Variants in BRWD1 observed in about 807,000 individuals in gnomAD.
BRWD1 encodes bromodomain and WD repeat-containing protein 1.
BRWD1 carries 82 observed loss-of-function variants against 251.2 expected under a neutral mutation model. That is an observed-to-expected ratio of 0.33 (90% CI 0.27 to 0.39). The LOEUF (loss-of-function observed/expected upper bound fraction) is 0.39. Ranked by LOEUF, BRWD1 falls within the 10% of genes least tolerant of loss-of-function variation. The pLI, the probability that BRWD1 is intolerant of heterozygous loss-of-function variation, is 1.00. For synonymous variants in BRWD1, 918 were observed against 902.8 expected (o/e 1.02, Z -0.30); for missense variants, 2,233 against 2,711.6 (o/e 0.82, Z 3.92).
In BRWD1 at chr21:39,187,929, G is replaced by T. The variant is rs1262691537; in HGVS notation, c.*8330C>A. On this transcript the variant is annotated 3_prime_UTR_variant, in exon 41 of 41. Transcript: ENST00000342449. Reference sequence around the variant, plus strand: ...GCTTCCTTTAAGGAAGCTTTTAGACGAGAGGTGAAAATTGTGAAGGGATTT... The same window carrying T: ...GCTTCCTTTAAGGAAGCTTTTAGACTAGAGGTGAAAATTGTGAAGGGATTT... The T allele has an allele frequency of 5.1e-6, 5 of 981,814 alleles. No individual in the cohort carries two copies. Among genetic ancestry groups the T allele is most frequent in the Non-Finnish European group, 6.0e-6 (5 of 826,702 alleles). The allele number at this position is 981,814 out of a possible 1,614,324, so 60.8% of individuals were successfully genotyped here.
intron 36 of BRWD1, among the ~76,000 whole-genome samples, chr21:39,207,408 AAC>A (rs1413763136): frequency 6.6e-6 from 1 of 150,824 alleles, no homozygotes; most frequent in Admixed American, 6.6e-5. Flanking sequence ...CAGCCTGGGC[AAC>A]AGAGTGAGAC....
rs2031979989 is a variant in BRWD1, at chr21:39,199,182, G to A, written c.5234C>T (p.Pro1745Leu). ...ANGYKSHTPA[P>L]SKTKFLKIES... is the part of the protein sequence containing the mutation. ...TATTTTAAGAAATTTTGTCTTTGAAGGTGCTGGAGTATGGGACTTGTAACC... is the reference window on the plus strand; with the variant it reads ...TATTTTAAGAAATTTTGTCTTTGAAAGTGCTGGAGTATGGGACTTGTAACC... The change falls in exon 40 of 41, where the codon CCT (proline) becomes CTT (leucine). Residue 1745 changes from proline (P) to leucine (L), a missense_variant. Around this residue, in one of 12 missense-constraint regions of BRWD1, gnomAD observed 928 missense variants for 970.0 expected, o/e 0.96. Transcript: ENST00000342449. 1.2e-6 allele frequency: 2 copies of A among 1,614,144 alleles called. No homozygotes were observed. Among genetic ancestry groups the A allele is most frequent in the South Asian group, 1.1e-5 (1 of 91,082 alleles).
rs1356027368 is a variant in BRWD1, at chr21:39,210,126, T to C, written c.4066A>G (p.Thr1356Ala). 6.2e-7 allele frequency: 1 copy of C among 1,610,248 alleles called. No homozygotes were observed. Among genetic ancestry groups the C allele is most frequent in the Non-Finnish European group, 8.5e-7 (1 of 1,177,010 alleles). Reference protein sequence around the residue: ...EYPDYRDIIDTPMDFGTVRET... With the variant: ...EYPDYRDIIDAPMDFGTVRET... Reference sequence around the variant, plus strand: ...CTTACTGTTCCAAAATCCATTGGGGTATCTATAATATCTCTGTAGTCCTAG... The same window carrying C: ...CTTACTGTTCCAAAATCCATTGGGGCATCTATAATATCTCTGTAGTCCTAG... Residue 1356 changes from threonine to alanine, a missense_variant, in exon 36 of 41, where the codon ACC becomes GCC. Coordinates refer to ENST00000342449, the MANE Select transcript of BRWD1 (RefSeq NM_033656.4).
At position 39,305,040 on chromosome 21, in the gene BRWD1, ACCTCCG is replaced by A. The variant is rs1357150010; in HGVS notation, c.199-6464_199-6459del. Among the ~76,000 whole-genome samples, 4 of 143,794 alleles carry A rather than the reference ACCTCCG, an allele frequency of 2.8e-5. No homozygotes were observed. In the East Asian group the frequency reaches 8.2e-4, roughly 29 times the overall value. The allele number at this position is 143,794 out of a possible 152,430, so 94.3% of individuals were successfully genotyped here. ...AGTGGCACAATCTCCGCTCACTGTA[ACCTCCG>A]CCTCTTGGATTCAAGCAATTCTCCT... is the stretch of plus-strand genomic sequence containing the variant. On this transcript the variant is annotated intron_variant, in intron 4 of 40. Coordinates refer to ENST00000342449, the MANE Select transcript of BRWD1 (RefSeq NM_033656.4).
chr21:39,264,135 A>G (rs918353864), intron 17 of BRWD1, among the ~76,000 whole-genome samples: 1 of 152,188 alleles, frequency 6.6e-6, no homozygotes, highest in Non-Finnish European at 1.5e-5. Context: ...AGAATTTTAG[A>G]AGCTATAAAC....
Position 39,295,936 on chromosome 21 carries a change from G to A in BRWD1, c.449-33C>T, listed in dbSNP as rs748971524. The A allele has an allele frequency of 3.3e-6, 5 of 1,502,496 alleles. No individual in the cohort carries two copies. The East Asian group carries it at 9.4e-5, about 28-fold the overall frequency. 93.1% of individuals were successfully genotyped at this position (1,502,496 alleles called of 1,614,324 possible). ...ATAAAAACAATGAAAATGGTTAAGG[G>A]AGAGCCAATAAGGAAAAATCTAAGA... On this transcript the variant is annotated intron_variant, in intron 6 of 40. Transcript: ENST00000342449.
At chr21:39,209,133 T>G (rs2032543967) in intron 36 of BRWD1, among the ~76,000 whole-genome samples, 1 of 151,992 alleles carries the variant, frequency 6.6e-6, no homozygotes, top group African/African-American at 2.4e-5. Flanking sequence ...GAGCCTGAAT[T>G]TCCAGCATGC....
Position 39,196,255 on chromosome 21 carries a change from A to C in BRWD1, c.*4T>G. On this transcript the variant is annotated 3_prime_UTR_variant, in exon 41 of 41. Coordinates refer to ENST00000342449, the MANE Select transcript of BRWD1 (RefSeq NM_033656.4). ...CTCTTAAATGAACTGGCTTTCCCTC[A>C]AGGTCATAAGGTGCAACCATTGAAA... The C allele has an allele frequency of 6.4e-7, 1 of 1,566,780 alleles. No homozygotes were observed. Among genetic ancestry groups the C allele is most frequent in the South Asian group, 1.2e-5 (1 of 81,454 alleles).
At chr21:39,231,114 C>T (rs2033598544) in intron 25 of BRWD1, among the ~76,000 whole-genome samples, 1 of 152,038 alleles carries the variant, frequency 6.6e-6, no homozygotes, top group South Asian at 2.1e-4. Context: ...TTAAAAACAG[C>T]TATATTTGTT....
Position 39,264,622 on chromosome 21 carries a change from C to G in BRWD1, c.1723G>C (p.Val575Leu). The change falls in exon 17 of 41, where the codon GTC becomes CTC. Residue 575 changes from valine (V) to leucine (L), a missense_variant. Coordinates refer to ENST00000342449, the MANE Select transcript of BRWD1 (RefSeq NM_033656.4). ...RPLIRDSNNY[V>L]LDEQTQQAPH... ...GCCTGCTGAGTTTGCTCATCTAAGA[C>G]ATAATTATTAGAATCTCTAATAAGT... 1.2e-6 allele frequency: 2 copies of G among 1,612,968 alleles called. No individual in the cohort carries two copies. The highest frequency in any genetic ancestry group is 1.7e-6 in the Non-Finnish European group (2 of 1,179,622).
rs1164624965 is a variant in BRWD1 at position 39,196,599 on chromosome 21, G to T, written c.6470C>A (p.Ser2157Ter). The change falls in exon 41 of 41, where the codon TCA becomes TAA. Residue 2157 changes from serine to a stop codon, truncating the protein, a stop_gained. Coordinates refer to ENST00000342449, the MANE Select transcript of BRWD1 (RefSeq NM_033656.4). LOFTEE classifies it high-confidence loss of function. The part of the protein sequence containing the change: ...SKFRPDTSSK[S>*]SDLGSVTESD... The stretch of plus-strand genomic sequence containing the variant: ...TTCAGTTACAGATCCCAAATCTGAT[G>T]ATTTGGAACTAGTATCAGGTCTAAA... 1 of 1,613,376 alleles carries T rather than the reference G, an allele frequency of 6.2e-7. No homozygotes were observed. Among genetic ancestry groups the T allele is most frequent in the East Asian group, 2.2e-5 (1 of 44,868 alleles).
At chr21:39,225,908 CCAT>C (rs1466437931) in intron 27 of BRWD1, among the ~76,000 whole-genome samples, 2 of 152,076 alleles carry the variant, frequency 1.3e-5, no homozygotes. Flanking sequence ...ACAAACCACA[CCAT>C]GATTTTATCC....
chr21:39,199,794 A>T, intron 39 of BRWD1, 132 bp from the exon 40 acceptor site: 1 of 948,478 alleles, frequency 1.1e-6, no homozygotes, highest in Non-Finnish European at 1.5e-6. Context: ...CTTGTTGCCC[A>T]GGCTGGAGTG....
At chr21:39,276,799 T>C (rs1250787232) in intron 11 of BRWD1, among the ~76,000 whole-genome samples, 2 of 152,176 alleles carry the variant, frequency 1.3e-5, no homozygotes, top group African/African-American at 2.4e-5. Flanking sequence ...AGATCAACTG[T>C]CATAATCAAG....
intron 31 of BRWD1, chr21:39,216,736 A>T: frequency 2.4e-6 from 1 of 414,840 alleles, no homozygotes. Context: ...TTCACAACAA[A>T]AGTAAAGCCT....
Position 39,293,825 on chromosome 21 carries a change from T to C in BRWD1, c.817A>G (p.Ile273Val), listed in dbSNP as rs1402638853. 6.2e-6 allele frequency: 10 copies of C among 1,614,054 alleles called. No individual in the cohort carries two copies. Among genetic ancestry groups the C allele is most frequent in the East Asian group, 2.2e-5 (1 of 44,874 alleles). Residue 273 changes from isoleucine (I) to valine (V), a missense_variant, in exon 8 of 41, where the codon ATT becomes GTT. By Grantham distance (29) the Ile-to-Val change is conservative. Around this residue, in one of 12 missense-constraint regions of BRWD1, gnomAD observed 185 missense variants for 260.6 expected, o/e 0.71. Coordinates refer to ENST00000342449, the MANE Select transcript of BRWD1 (RefSeq NM_033656.4). ...VAVLQGHTGS[I>V]TSLQFSPMAK... is the part of the protein sequence containing the mutation. ...TACAAGTTTACCTGTAAAGATGTAA[T>C]TGATCCTGTGTGTCCTTGGAGCACA...
intron 15 of BRWD1, among the ~76,000 whole-genome samples, chr21:39,269,009 G>T (rs1381586337): frequency 6.6e-6 from 1 of 151,166 alleles, no homozygotes; most frequent in East Asian, 1.9e-4. Flanking sequence ...AAAAAGAAAA[G>T]AAAAAAAAGA....
Position 39,191,169 on chromosome 21 carries a change from T to A in BRWD1, c.*5090A>T, listed in dbSNP as rs2031531869. 1 of 985,350 alleles carries A rather than the reference T, an allele frequency of 1.0e-6. No individual in the cohort carries two copies. The highest frequency in any genetic ancestry group is 5.2e-4 in the Middle Eastern group (1 of 1,914). 61.0% of individuals were successfully genotyped at this position (985,350 alleles called of 1,614,324 possible). A position where few individuals can be genotyped will look rare whatever the true frequency, so the allele number is the denominator to read the frequency against. ...TTGTTTTCAATCTACCCTATTACTG[T>A]ACTACTGGAAAGAAACCAGGCCACA... is the stretch of plus-strand genomic sequence containing the variant. On this transcript the variant is annotated 3_prime_UTR_variant, in exon 41 of 41. Transcript: ENST00000342449.
In BRWD1 at chr21:39,274,325, G is replaced by C. The variant is rs762471474; in HGVS notation, c.1244+49C>G. On this transcript the variant is annotated intron_variant, in intron 13 of 40. Transcript: ENST00000342449. Reference sequence around the variant, plus strand: ...AGAGCGAGAGAGAGAGAGAGAGAGAGACAGATCGAACACCTATGATGCACC... The same window carrying C: ...AGAGCGAGAGAGAGAGAGAGAGAGACACAGATCGAACACCTATGATGCACC... 3 of 1,310,580 alleles carry C rather than the reference G, an allele frequency of 2.3e-6. No individual in the cohort carries two copies. The South Asian group carries it at 3.5e-5, about 15-fold the overall frequency. 81.2% of individuals were successfully genotyped at this position (1,310,580 alleles called of 1,614,324 possible). A position where few individuals can be genotyped will look rare whatever the true frequency, so the allele number is the denominator to read the frequency against.
Sources: allele counts gnomAD v4.1 joint callset (sites outside exome capture counted in the v4.1 genomes callset), GRCh38; gene constraint gnomAD v4.1.1; regional missense constraint gnomAD v4.1.1; transcripts MANE v1.5; gene names NCBI Gene and HGNC (gene_info 2026-07-23, HGNC 2026-07-21).